Variants in MEGF8 observed in about 807,000 individuals in gnomAD.
MEGF8 encodes multiple EGF like domains 8.
MEGF8 carries 156 observed loss-of-function variants against 302.9 expected under a neutral mutation model. That is an observed-to-expected ratio of 0.52 (90% confidence interval 0.45 to 0.59). The LOEUF (loss-of-function observed/expected upper bound fraction) is 0.59, where lower values mean the gene tolerates loss of function less well. MEGF8 is among the 20% of genes least tolerant of loss of function. The pLI, the probability that MEGF8 is intolerant of heterozygous loss-of-function variation, is 0.00. For missense variants in MEGF8, 3,345 were observed against 3,964.5 expected (o/e 0.84, Z 4.20); for synonymous variants, 1,621 against 1,660.5 (o/e 0.98, Z 0.58).
intron 32 of MEGF8, 35 bp downstream of exon 32, chr19:42,361,041 G>T: frequency 1.3e-6 from 2 of 1,521,378 alleles, no homozygotes. Context: ...AGTGGGGAGT[G>T]GAGCCCTCTA....
Position 42,344,471 on chromosome 19 carries a change from C to T in MEGF8, c.1819C>T (p.Arg607Cys), listed in dbSNP as rs747026334. The T allele has an allele frequency of 5.0e-6, 8 of 1,596,724 alleles. No homozygotes were observed. Among genetic ancestry groups the T allele is most frequent in the African/African-American group, 4.0e-5 (3 of 74,854 alleles). Residue 607 changes from arginine (R) to cysteine (C), a missense_variant, in exon 11 of 42, where the codon CGC becomes TGC. Arg to Cys is a radical substitution (Grantham distance 180). Coordinates refer to ENST00000251268, the MANE Select transcript of MEGF8 (RefSeq NM_001271938.2). This position sits in a 1 kb window ranked among gnomAD's most constrained non-coding sequence, Gnocchi z 4.5. ...CPAASCLGLG[R>C]LLGDCQACLA... ...AGCCGCCAGCTGCCTGGGCCTGGGC[C>T]GCCTCCTGGGTGACTGCCAGGCCTG...
Position 42,352,108 on chromosome 19 carries a change from C to G in MEGF8, c.3102-100C>G. 1 of 1,369,332 alleles carries G rather than the reference C, an allele frequency of 7.3e-7. No individual in the cohort carries two copies. 84.8% of individuals were successfully genotyped at this position (1,369,332 alleles called of 1,614,324 possible). On this transcript the variant is annotated intron_variant, in intron 18 of 41. Transcript: ENST00000251268. This position sits in a 1 kb window ranked among gnomAD's most constrained non-coding sequence, Gnocchi z 4.4. Reference sequence around the variant, plus strand: ...TCTCTTTCCAAATTTGTATTTGCATCCCTCTCCTTCCAATTGGCCTCCTCT... The same window carrying G: ...TCTCTTTCCAAATTTGTATTTGCATGCCTCTCCTTCCAATTGGCCTCCTCT...
At position 42,357,322 on chromosome 19, in the gene MEGF8, T is replaced by TGG. The variant is rs1267117415; in HGVS notation, c.4831-77_4831-76dup. On this transcript the variant is annotated intron_variant, in intron 27 of 41. Transcript: ENST00000251268. The surrounding 1 kb of genome is among the most constrained non-coding windows in gnomAD (Gnocchi z 5.2). ...CTCCTTAGTACTTCAGGGAGGACTG[T>TGG]GGGGGGCTGAGGCTCGCTTCTACCC... 1.1e-5 allele frequency: 17 copies of TGG among 1,503,770 alleles called. No homozygotes were observed. In the Admixed American group the frequency reaches 3.0e-4, roughly 27 times the overall value. 93.2% of individuals were successfully genotyped at this position (1,503,770 alleles called of 1,614,324 possible). A position where few individuals can be genotyped will look rare whatever the true frequency, so the allele number is the denominator to read the frequency against.
At chr19:42,370,588 G>A (rs535509114) in intron 39 of MEGF8, 113 bp from the exon 40 acceptor site, 2 of 1,261,394 alleles carry the variant, frequency 1.6e-6, no homozygotes, top group African/African-American at 1.5e-5. Context: ...GGGGGTGGGA[G>A]CCTGGCCTCC....
Position 42,362,211 on chromosome 19 carries a change from G to A in MEGF8, c.5842G>A (p.Glu1948Lys), listed in dbSNP as rs542990173. Residue 1948 changes from glutamate (E) to lysine (K), a missense_variant and splice_region_variant, in exon 33 of 42, where the codon GAG (glutamate) becomes AAG (lysine). By Grantham distance (56) the Glu-to-Lys change is moderately conservative (BLOSUM62 1). Transcript: ENST00000251268. ...HPRTLQPGDG[E>K]ASTPRCKWCT... ...TCGGACCCTGCAACCTGGAGATGGA[G>A]AGGTGAGTGGTGGGGAAGGCAGGGA... The A allele has an allele frequency of 1.9e-6, 3 of 1,610,910 alleles. No homozygotes were observed. The highest frequency in any genetic ancestry group is 2.5e-6 in the Non-Finnish European group (3 of 1,179,308).
intron 1 of MEGF8, among the ~76,000 whole-genome samples, chr19:42,328,451 T>C (rs2039013271): frequency 6.6e-6 from 1 of 152,086 alleles, no homozygotes; most frequent in South Asian, 2.1e-4. Flanking sequence ...TTAGAAGATC[T>C]CTCTGGCTGC....
rs367856510 is a variant in MEGF8, at chr19:42,358,748, C to T, written c.5176-39C>T. ...GGCAGGGGGCTAGAAGCAAGAGACTCGAGGAGCCTCAACCCCAGGACGCCC... is the reference window on the plus strand; with the variant it reads ...GGCAGGGGGCTAGAAGCAAGAGACTTGAGGAGCCTCAACCCCAGGACGCCC... On this transcript the variant is annotated intron_variant, in intron 29 of 41. Coordinates refer to ENST00000251268, the MANE Select transcript of MEGF8 (RefSeq NM_001271938.2). This position sits in a 1 kb window ranked among gnomAD's most constrained non-coding sequence, Gnocchi z 4.4. 353 of 1,477,870 alleles carry T rather than the reference C, an allele frequency of 2.4e-4. No individual in the cohort carries two copies. In the Middle Eastern group the frequency reaches 5.2e-3, roughly 22 times the overall value. 91.5% of individuals were successfully genotyped at this position (1,477,870 alleles called of 1,614,324 possible). A position where few individuals can be genotyped will look rare whatever the true frequency, so the allele number is the denominator to read the frequency against.
chr19:42,351,425 C>G lies in MEGF8; in HGVS notation c.2856-4C>G, dbSNP rs749739307. On this transcript the variant is annotated splice_region_variant and splice_polypyrimidine_tract_variant and intron_variant, in intron 16 of 41. Coordinates refer to ENST00000251268, the MANE Select transcript of MEGF8 (RefSeq NM_001271938.2). This position sits in a 1 kb window ranked among gnomAD's most constrained non-coding sequence, Gnocchi z 5.6. ...GTGACCTGGCCCCCTGCTCCCCACC[C>G]CAGGCGACTGACCTGTGAGGACTGC... 5.3e-5 allele frequency: 84 copies of G among 1,591,548 alleles called. No homozygotes were observed. Among genetic ancestry groups the G allele is most frequent in the Middle Eastern group, 1.7e-4 (1 of 6,052 alleles).
chr19:42,336,672 ACTT>A lies in MEGF8; in HGVS notation c.1245-132_1245-130del. ...TGACTCAGGGTCCTGCCCACAGGGA[ACTT>A]CTAGTTTGGAGGGGACATAGAGTCA... On this transcript the variant is annotated intron_variant, in intron 6 of 41. Coordinates refer to ENST00000251268, the MANE Select transcript of MEGF8 (RefSeq NM_001271938.2). This position sits in a 1 kb window ranked among gnomAD's most constrained non-coding sequence, Gnocchi z 4.8. The A allele has an allele frequency of 7.7e-7, 1 of 1,306,574 alleles. No homozygotes were observed. Among genetic ancestry groups the A allele is most frequent in the Non-Finnish European group, 1.0e-6 (1 of 964,926 alleles). The allele number at this position is 1,306,574 out of a possible 1,614,324, so 80.9% of individuals were successfully genotyped here.
At chr19:42,367,349 C>T (rs1035855561) in intron 35 of MEGF8, among the ~76,000 whole-genome samples, 4 of 148,878 alleles carry the variant, frequency 2.7e-5, no homozygotes, top group African/African-American at 9.9e-5. Context: ...AGTGCAGTGG[C>T]GCGATCTCTG....
intron 8 of MEGF8, among the ~76,000 whole-genome samples, chr19:42,338,202 A>G (rs1027927601): frequency 9.3e-5 from 14 of 149,988 alleles, no homozygotes; most frequent in African/African-American, 3.4e-4. Flanking sequence ...TTATTTCATC[A>G]CCCAGGTATT....
At chr19:42,326,611 G>GA (rs1416551347) in intron 1 of MEGF8, among the ~76,000 whole-genome samples, 181 bp downstream of exon 1, 3 of 152,144 alleles carry the variant, frequency 2.0e-5, no homozygotes, top group Non-Finnish European at 4.4e-5. Context: ...TCTGGTGGGG[G>GA]AGATGCACCT....
Position 42,353,869 on chromosome 19 carries a change from C to T in MEGF8, c.3856C>T (p.Leu1286=). ...ALGSRRVGGL[L]PPGGGAARAG... ...GGGCTCACGCCGGGTCGGGGGGCTG[C>T]TGCCTCCAGGTGGCGGGGCTGCAAG... is the stretch of plus-strand genomic sequence containing the variant. Residue 1286 remains leucine, a synonymous_variant, in exon 22 of 42, where the codon CTG becomes TTG. Transcript: ENST00000251268. This position sits in a 1 kb window ranked among gnomAD's most constrained non-coding sequence, Gnocchi z 6.1. 1 of 1,601,570 alleles carries T rather than the reference C, an allele frequency of 6.2e-7. No individual in the cohort carries two copies. The highest frequency in any genetic ancestry group is 8.5e-7 in the Non-Finnish European group (1 of 1,174,374).
chr19:42,326,871 C>G (rs534432877), intron 1 of MEGF8, among the ~76,000 whole-genome samples: 124 of 152,042 alleles, frequency 8.2e-4, no homozygotes, highest in African/African-American at 2.8e-3. Context: ...CTCAGCCTCC[C>G]AAGTAACTGA....
chr19:42,350,558 A>T (rs956249558), intron 15 of MEGF8, among the ~76,000 whole-genome samples, 174 bp downstream of exon 15: 5 of 152,056 alleles, frequency 3.3e-5, no homozygotes, highest in African/African-American at 1.2e-4. Flanking sequence ...GCACCTGGGG[A>T]GTCAGGACTC....
intron 8 of MEGF8, among the ~76,000 whole-genome samples, chr19:42,339,477 G>A (rs2039182182): frequency 6.6e-6 from 1 of 152,112 alleles, no homozygotes; most frequent in African/African-American, 2.4e-5. Context: ...GTGATATTGA[G>A]CATTTTTTCA....
chr19:42,356,923 G>T lies in MEGF8; in HGVS notation c.4772G>T (p.Gly1591Val), dbSNP rs1390847435. Residue 1591 changes from glycine to valine, a missense_variant, in exon 27 of 42, where the codon GGC becomes GTC. Physicochemically the swap from Gly to Val is moderately radical, Grantham distance 109. Coordinates refer to ENST00000251268, the MANE Select transcript of MEGF8 (RefSeq NM_001271938.2). This position sits in a 1 kb window ranked among gnomAD's most constrained non-coding sequence, Gnocchi z 5.2. ...CTGCTGGGGGGACTTACCGCTGGAG[G>T]CGTCACCCGTGATTTCTGGGTCCTC... ...MYLLGGLTAG[G>V]VTRDFWVLNL... 2 of 1,611,020 alleles carry T rather than the reference G, an allele frequency of 1.2e-6. No homozygotes were observed. The highest frequency in any genetic ancestry group is 1.7e-6 in the Non-Finnish European group (2 of 1,178,820).
chr19:42,357,099 C>A lies in MEGF8; in HGVS notation c.4830+118C>A. ...AAACAGAAGCCCCAAACTTGAATTTCCTCGGCCATCCTGGGTCACACTGTT... is the reference window on the plus strand; with the variant it reads ...AAACAGAAGCCCCAAACTTGAATTTACTCGGCCATCCTGGGTCACACTGTT... On this transcript the variant is annotated intron_variant, in intron 27 of 41. Transcript: ENST00000251268. The surrounding 1 kb of genome is among the most constrained non-coding windows in gnomAD (Gnocchi z 5.2). 1 of 1,102,646 alleles carries A rather than the reference C, an allele frequency of 9.1e-7. No homozygotes were observed. Among genetic ancestry groups the A allele is most frequent in the Non-Finnish European group, 1.3e-6 (1 of 784,546 alleles). The allele number at this position is 1,102,646 out of a possible 1,614,324, so 68.3% of individuals were successfully genotyped here.
In MEGF8 at chr19:42,326,055, C is replaced by A; in HGVS notation, c.-189C>A. ...CCATCGCTCTATAGGGCTCAGCCCTCGGCTTCCAGAGCCTGTCAGCAGTGG... is the reference window on the plus strand; with the variant it reads ...CCATCGCTCTATAGGGCTCAGCCCTAGGCTTCCAGAGCCTGTCAGCAGTGG... On this transcript the variant is annotated 5_prime_UTR_variant, in exon 1 of 42. Coordinates refer to ENST00000251268, the MANE Select transcript of MEGF8 (RefSeq NM_001271938.2). 1.0e-6 allele frequency: 1 copy of A among 960,876 alleles called. No individual in the cohort carries two copies. The highest frequency in any genetic ancestry group is 1.4e-6 in the Non-Finnish European group (1 of 703,142). 59.5% of individuals were successfully genotyped at this position (960,876 alleles called of 1,614,324 possible).
Sources: allele counts gnomAD v4.1 joint callset (sites outside exome capture counted in the v4.1 genomes callset), GRCh38; gene constraint gnomAD v4.1.1; non-coding constraint Gnocchi (gnomAD v3.1); transcripts MANE v1.5; gene names NCBI Gene and HGNC (gene_info 2026-07-23, HGNC 2026-07-21).